The following FBXO45 variants were observed in gnomAD, a reference collection of about 807,000 sequenced individuals.
The protein encoded by FBXO45 is F-box/SPRY domain-containing protein 1.
In FBXO45, 3 loss-of-function variants were observed where a neutral mutation model predicts 25.5. The observed-to-expected ratio is 0.12, with a 90% CI of 0.05 to 0.30. The LOEUF (loss-of-function observed/expected upper bound fraction) is 0.30, where lower values mean the gene tolerates loss of function less well. Among genes scored for constraint, FBXO45 ranks in the 10% least tolerant of loss-of-function variants. The pLI, the probability that FBXO45 is intolerant of heterozygous loss-of-function variation, is 1.00. For synonymous variants in FBXO45, 155 were observed against 149.8 expected (o/e 1.03, Z -0.25); for missense variants, 219 against 365.0 (o/e 0.60, Z 3.26).
In FBXO45 at chr3:196,577,781, C is replaced by T; in HGVS notation, c.647C>T (p.Pro216Leu). 1 of 1,610,534 alleles carries T rather than the reference C, an allele frequency of 6.2e-7. No individual in the cohort carries two copies. Among genetic ancestry groups the T allele is most frequent in the Non-Finnish European group, 8.5e-7 (1 of 1,176,986 alleles). The change falls in exon 2 of 3, where the codon CCA (proline) becomes CTA (leucine). Residue 216 changes from proline (P) to leucine (L), a missense_variant. This residue lies in a region of FBXO45 where 34 missense variants were observed against 48.2 expected (regional missense o/e 0.70). Transcript: ENST00000311630. ...LHNGEVNGSF[P>L]QCNNAPKYQI... ...AATGGAGAAGTCAATGGCAGTTTTC[C>T]ACAGTGCAACAACGCACCAAAATAT... is the stretch of plus-strand genomic sequence containing the variant.
Position 196,569,350 on chromosome 3 carries a change from C to T in FBXO45, c.318+48C>T, listed in dbSNP as rs1735736566. 2 of 1,434,792 alleles carry T rather than the reference C, an allele frequency of 1.4e-6. No homozygotes were observed. Among genetic ancestry groups the T allele is most frequent in the Non-Finnish European group, 1.9e-6 (2 of 1,074,880 alleles). The allele number at this position is 1,434,792 out of a possible 1,614,324, so 88.9% of individuals were successfully genotyped here. ...CGCTGCCCCCAGTCCCGCTCCCCGGCGTCGTTCGCGGTGTTTCTCATCCGA... is the reference window on the plus strand; with the variant it reads ...CGCTGCCCCCAGTCCCGCTCCCCGGTGTCGTTCGCGGTGTTTCTCATCCGA... On this transcript the variant is annotated intron_variant, in intron 1 of 2. Coordinates refer to ENST00000311630, the MANE Select transcript of FBXO45 (RefSeq NM_001105573.2). This position sits in a 1 kb window ranked among gnomAD's most constrained non-coding sequence, Gnocchi z 4.1.
rs939351553 is a variant in FBXO45, at chr3:196,568,948, G to A, written c.-37G>A. 2.8e-5 allele frequency: 28 copies of A among 988,508 alleles called. No individual in the cohort carries two copies. Among genetic ancestry groups the A allele is most frequent in the Non-Finnish European group, 3.1e-5 (26 of 831,378 alleles). The allele number at this position is 988,508 out of a possible 1,614,324, so 61.2% of individuals were successfully genotyped here. On this transcript the variant is annotated 5_prime_UTR_variant, in exon 1 of 3. Transcript: ENST00000311630. Reference sequence around the variant, plus strand: ...CCGAGCAGAGACGGCGGGAAGCGGCGGCGGCAGCGGCGGCCCTAGGGCCGG... The same window carrying A: ...CCGAGCAGAGACGGCGGGAAGCGGCAGCGGCAGCGGCGGCCCTAGGGCCGG...
intron 1 of FBXO45, among the ~76,000 whole-genome samples, chr3:196,570,712 C>CTTTTTTTTTTTTT (rs71161937): frequency 2.0e-5 from 2 of 99,852 alleles, no homozygotes; most frequent in Non-Finnish European, 4.4e-5. Context: ...TTTCTTTTTT[C>CTTTTTTTTTTTTT]TTTTTTTTTT....
chr3:196,582,973 A>G (rs1443176155), intron 2 of FBXO45, among the ~76,000 whole-genome samples: 3 of 152,128 alleles, frequency 2.0e-5, no homozygotes, highest in Non-Finnish European at 4.4e-5. Context: ...TCTATACCCA[A>G]AACTTTTTCC....
intron 2 of FBXO45, among the ~76,000 whole-genome samples, chr3:196,580,298 C>T (rs550145595): frequency 2.6e-5 from 4 of 152,030 alleles, no homozygotes; most frequent in East Asian, 3.9e-4. Flanking sequence ...CTCTGCCTCC[C>T]GGGTCCCGGT....
rs906159479 is a variant in FBXO45 at position 196,588,782 on chromosome 3, C to T, written c.*4464C>T. ...ACTGCGGAGAAAGACAAAAGCTCCT[C>T]TGAAGTTTTAGACTATAGAAGCAAA... On this transcript the variant is annotated 3_prime_UTR_variant, in exon 3 of 3. Transcript: ENST00000311630. The surrounding 1 kb of genome is among the most constrained non-coding windows in gnomAD (Gnocchi z 4.2). 2 of 152,102 alleles carry T rather than the reference C, an allele frequency of 1.3e-5. No individual in the cohort carries two copies. Among genetic ancestry groups the T allele is most frequent in the African/African-American group, 4.8e-5 (2 of 41,406 alleles). The allele number at this position is 152,102 out of a possible 1,614,324, so 9.4% of individuals were successfully genotyped here. A position where few individuals can be genotyped will look rare whatever the true frequency, so the allele number is the denominator to read the frequency against.
chr3:196,584,108 C>T lies in FBXO45; in HGVS notation c.676-25C>T. On this transcript the variant is annotated intron_variant, in intron 2 of 2. Transcript: ENST00000311630. The surrounding 1 kb of genome is among the most constrained non-coding windows in gnomAD (Gnocchi z 4.3). ...AGCTACACCCTTGGCAGATTTTCTT[C>T]TAACCTTTTGATATCTGTTTGCAGA... 1 of 1,607,670 alleles carries T rather than the reference C, an allele frequency of 6.2e-7. No homozygotes were observed. The highest frequency in any genetic ancestry group is 8.5e-7 in the Non-Finnish European group (1 of 1,177,880).
At position 196,569,164 on chromosome 3, in the gene FBXO45, C is replaced by T. The variant is rs777503624; in HGVS notation, c.180C>T (p.Ala60=). The change falls in exon 1 of 3, where the codon GCC becomes GCT. Residue 60 remains alanine, a synonymous_variant. Transcript: ENST00000311630. This position sits in a 1 kb window ranked among gnomAD's most constrained non-coding sequence, Gnocchi z 4.1. ...YLELSELRSC[A]LVCKHWYRCL... is the part of the protein sequence containing the mutation. ...AGCTGTCCGAGCTGCGGAGCTGCGC[C>T]CTGGTGTGCAAGCACTGGTACCGCT... The T allele has an allele frequency of 2.6e-6, 4 of 1,553,586 alleles. No individual in the cohort carries two copies. In the Admixed American group the frequency reaches 7.8e-5, roughly 30 times the overall value.
At chr3:196,572,970 G>A (rs1735854147) in intron 1 of FBXO45, among the ~76,000 whole-genome samples, 1 of 152,092 alleles carries the variant, frequency 6.6e-6, no homozygotes, top group African/African-American at 2.4e-5. Context: ...TGCCCTGGCT[G>A]GAGTGCAGTG....
In FBXO45 at chr3:196,569,384, G is replaced by T; in HGVS notation, c.318+82G>T. 7.4e-7 allele frequency: 1 copy of T among 1,356,978 alleles called. No homozygotes were observed. Among genetic ancestry groups the T allele is most frequent in the African/African-American group, 1.5e-5 (1 of 68,890 alleles). The allele number at this position is 1,356,978 out of a possible 1,614,324, so 84.1% of individuals were successfully genotyped here. A position where few individuals can be genotyped will look rare whatever the true frequency, so the allele number is the denominator to read the frequency against. On this transcript the variant is annotated intron_variant, in intron 1 of 2. Coordinates refer to ENST00000311630, the MANE Select transcript of FBXO45 (RefSeq NM_001105573.2). The surrounding 1 kb of genome is among the most constrained non-coding windows in gnomAD (Gnocchi z 4.1). ...CGGTGTTTCTCATCCGAGCTTCTGA[G>T]TCAGAAGCTTCGCCTCACCAGCCCG...
At chr3:196,572,907 A>G (rs1402275077) in intron 1 of FBXO45, among the ~76,000 whole-genome samples, 6 of 152,078 alleles carry the variant, frequency 3.9e-5, no homozygotes, top group Non-Finnish European at 2.9e-5. Flanking sequence ...GGCTCACATA[A>G]TGTAGAGATC....
rs1040542442 is a variant in FBXO45, at chr3:196,586,506, A to G, written c.*2188A>G. The G allele has an allele frequency of 1.2e-4, 19 of 152,366 alleles. No homozygotes were observed. Among genetic ancestry groups the G allele is most frequent in the African/African-American group, 3.6e-4 (15 of 41,580 alleles). The allele number at this position is 152,366 out of a possible 1,614,324, so 9.4% of individuals were successfully genotyped here. A position where few individuals can be genotyped will look rare whatever the true frequency, so the allele number is the denominator to read the frequency against. On this transcript the variant is annotated 3_prime_UTR_variant, in exon 3 of 3. Transcript: ENST00000311630. Reference sequence around the variant, plus strand: ...TGCAATTGAAGTGAGCAGCATGAGCATCTGGGTCATGAGGGCCTTCATTTA... The same window carrying G: ...TGCAATTGAAGTGAGCAGCATGAGCGTCTGGGTCATGAGGGCCTTCATTTA...
intron 1 of FBXO45, among the ~76,000 whole-genome samples, chr3:196,571,227 G>A (rs1275171509): frequency 6.7e-6 from 1 of 150,070 alleles, no homozygotes; most frequent in Non-Finnish European, 1.5e-5. Flanking sequence ...AGGAGTTTTT[G>A]TTGTTGTTTT....
At chr3:196,571,685 G>A (rs563780074) in intron 1 of FBXO45, among the ~76,000 whole-genome samples, 3 of 152,232 alleles carry the variant, frequency 2.0e-5, no homozygotes, top group East Asian at 1.9e-4. Flanking sequence ...CATCCTTGTC[G>A]CTCAGCTACC....
At chr3:196,583,364 G>C (rs1035002666) in intron 2 of FBXO45, among the ~76,000 whole-genome samples, 7 of 152,176 alleles carry the variant, frequency 4.6e-5, no homozygotes, top group African/African-American at 1.4e-4. Flanking sequence ...AAATTAGCCG[G>C]GCGTGGTGGC....
At position 196,588,239 on chromosome 3, in the gene FBXO45, G is replaced by A. The variant is rs1736171957; in HGVS notation, c.*3921G>A. The A allele has an allele frequency of 6.6e-6, 1 of 151,854 alleles. No homozygotes were observed. Among genetic ancestry groups the A allele is most frequent in the South Asian group, 2.1e-4 (1 of 4,812 alleles). The allele number at this position is 151,854 out of a possible 1,614,324, so 9.4% of individuals were successfully genotyped here. On this transcript the variant is annotated 3_prime_UTR_variant, in exon 3 of 3. Coordinates refer to ENST00000311630, the MANE Select transcript of FBXO45 (RefSeq NM_001105573.2). The surrounding 1 kb of genome is among the most constrained non-coding windows in gnomAD (Gnocchi z 4.2). Reference sequence around the variant, plus strand: ...GCCACTGTTCCCGGGCCTAATCTTTGTATTTTTAGTAGAGGGGGTTTATGC... The same window carrying A: ...GCCACTGTTCCCGGGCCTAATCTTTATATTTTTAGTAGAGGGGGTTTATGC...
intron 2 of FBXO45, 147 bp from the exon 3 acceptor site, chr3:196,583,986 T>C: frequency 2.7e-6 from 2 of 741,128 alleles, no homozygotes; most frequent in Non-Finnish European, 2.2e-6. Flanking sequence ...TAGATGTTTC[T>C]TCCTGACTAG....
chr3:196,570,464 C>T (rs1407895125), intron 1 of FBXO45, among the ~76,000 whole-genome samples: 6 of 152,086 alleles, frequency 3.9e-5, no homozygotes, highest in South Asian at 2.1e-4. Context: ...CTCGAACTCC[C>T]GACCTCAGGT....
chr3:196,576,898 TATA>T (rs1304871585), intron 1 of FBXO45, among the ~76,000 whole-genome samples: 4 of 152,346 alleles, frequency 2.6e-5, no homozygotes, highest in African/African-American at 7.2e-5. Context: ...TTATGTAAAA[TATA>T]ATTCTTTTTG....
Sources: gnomAD v4.1 joint callset for allele counts (sites outside exome capture counted in the v4.1 genomes callset) on GRCh38, gnomAD v4.1.1 for gene constraint, gnomAD v4.1.1 regional missense constraint, Gnocchi (gnomAD v3.1) non-coding constraint, MANE v1.5 for transcripts, NCBI Gene and HGNC (gene_info 2026-07-23, HGNC 2026-07-21) for gene names.